Variants in FANCB observed in about 807,000 individuals in gnomAD.
The protein encoded by FANCB is Fanconi anemia group B protein.
Under a neutral mutation model 38.9 loss-of-function variants are expected in FANCB, and 5 were observed. That is an observed-to-expected ratio of 0.13 (90% CI 0.07 to 0.27). The LOEUF (loss-of-function observed/expected upper bound fraction) is 0.27. Among genes scored for constraint, FANCB ranks in the 10% least tolerant of loss-of-function variants. FANCB has a pLI of 1.00. For missense variants in FANCB, 573 were observed against 602.7 expected (o/e 0.95, Z 0.52); for synonymous variants, 236 against 215.4 (o/e 1.10, Z -0.84).
At chrX:14,775,327 A>G in the FANCB span, among the ~76,000 whole-genome samples, 2 of 110,268 alleles carry the variant, frequency 1.8e-5, no homozygotes, top group East Asian at 2.8e-4. Context: ...GCCTTCCTCT[A>G]TCTTTCAATA....
the FANCB span, among the ~76,000 whole-genome samples, chrX:14,696,490 G>A: frequency 1.3e-4 from 14 of 111,984 alleles, no homozygotes; most frequent in African/African-American, 2.0e-4. Context: ...TTGGAAGGCC[G>A]AGGATGGGGT....
the FANCB span, among the ~76,000 whole-genome samples, chrX:14,718,576 C>G: frequency 1.8e-5 from 2 of 111,971 alleles, no homozygotes; most frequent in Admixed American, 1.9e-4. Flanking sequence ...CATATTAGCT[C>G]AGACGATTCA....
chrX:14,868,026 T>C (rs896787397), intron 2 of FANCB, among the ~76,000 whole-genome samples: 3 of 111,434 alleles, frequency 2.7e-5, no homozygotes, highest in Non-Finnish European at 3.8e-5. Context: ...TAATTTCAGT[T>C]TGAATGGCTA....
the FANCB span, among the ~76,000 whole-genome samples, chrX:14,829,486 A>T: frequency 9.0e-6 from 1 of 111,473 alleles, no homozygotes; most frequent in East Asian, 2.8e-4. Flanking sequence ...CCTAGATAAC[A>T]TCTTCTTCCT....
downstream of FANCB, among the ~76,000 whole-genome samples, chrX:14,838,504 C>A (rs2092346611): frequency 9.0e-6 from 1 of 111,366 alleles, no homozygotes; most frequent in Admixed American, 9.5e-5. Context: ...TCACCCCTGA[C>A]CCCCATCACA....
chrX:14,787,876 AATATATATATATATATATATATATAT>A, the FANCB span, among the ~76,000 whole-genome samples: 257 of 41,691 alleles, frequency 6.2e-3, 1 homozygote, highest in African/African-American at 0.018. Flanking sequence ...TTAAAAATAG[AATATATATATATATATATATATATAT>A]ATATATATAT....
chrX:14,730,176 A>G, the FANCB span: 6 of 1,134,504 alleles, frequency 5.3e-6, no homozygotes, highest in Non-Finnish European at 7.2e-6. Context: ...CTGACAACCA[A>G]TCTGTGCTTC....
the FANCB span, among the ~76,000 whole-genome samples, chrX:14,759,080 A>AAAGTCTCAGCAACAGAATC: frequency 8.9e-6 from 1 of 112,123 alleles, no homozygotes; most frequent in Non-Finnish European, 1.9e-5. Context: ...AATACACTGA[A>AAAGTCTCAGCAACAGAATC]AAGTCTCAGC....
chrX:14,724,366 C>T, the FANCB span, among the ~76,000 whole-genome samples: 1 of 110,326 alleles, frequency 9.1e-6, no homozygotes, highest in Admixed American at 9.7e-5. Context: ...TGGCTCACAC[C>T]TGTAATCCCA....
chrX:14,845,360 C>T (rs1480878779), intron 7 of FANCB, 74 bp from the exon 8 acceptor site: 2 of 751,353 alleles, frequency 2.7e-6, no homozygotes, highest in Admixed American at 2.5e-5. Context: ...AAATGTCATA[C>T]AAACAACAGT....
At chrX:14,796,565 T>C in the FANCB span, among the ~76,000 whole-genome samples, 1 of 97,976 alleles carries the variant, frequency 1.0e-5, no homozygotes, top group Non-Finnish European at 2.0e-5. Flanking sequence ...TTATATGTTA[T>C]ATATTATATA....
At chrX:14,836,387 A>T (rs751661279) in intron 10 of FANCB, 41 of 112,215 alleles carry the variant, frequency 3.7e-4, no homozygotes, top group South Asian at 3.3e-3. Context: ...ATGCTTAAAA[A>T]TTGTTAGGAT....
chrX:14,769,850 GTC>G, the FANCB span, among the ~76,000 whole-genome samples: 18 of 111,925 alleles, frequency 1.6e-4, no homozygotes, highest in Non-Finnish European at 3.2e-4. Flanking sequence ...GTGATATGTT[GTC>G]TCTTTGTTCT....
the FANCB span, among the ~76,000 whole-genome samples, chrX:14,768,717 G>T: frequency 9.0e-6 from 1 of 111,538 alleles, no homozygotes; most frequent in Non-Finnish European, 1.9e-5. Flanking sequence ...AGTGGTGAGA[G>T]AGGGCATCCT....
At chrX:14,784,124 T>C in the FANCB span, among the ~76,000 whole-genome samples, 1,964 of 112,142 alleles carry the variant, frequency 0.018, 40 homozygotes, top group African/African-American at 0.053. Context: ...ACAGGAGAAT[T>C]GCTTGAACCT....
At chrX:14,707,200 A>AGAG in the FANCB span, among the ~76,000 whole-genome samples, 1 of 111,718 alleles carries the variant, frequency 9.0e-6, no homozygotes, top group South Asian at 3.8e-4. Context: ...AGAATATGAG[A>AGAG]GAGAAGCATG....
At chrX:14,819,517 GAT>G in the FANCB span, among the ~76,000 whole-genome samples, 21 of 111,872 alleles carry the variant, frequency 1.9e-4, no homozygotes, top group Non-Finnish European at 2.6e-4. Flanking sequence ...CTGAAGAAGA[GAT>G]AGGATACAGA....
chrX:14,771,935 G>A, the FANCB span, among the ~76,000 whole-genome samples: 1 of 111,679 alleles, frequency 9.0e-6, no homozygotes, highest in Non-Finnish European at 1.9e-5. Context: ...GGTATCACCA[G>A]TGAAGGCTTC....
chrX:14,758,470 T>C, the FANCB span, among the ~76,000 whole-genome samples: 1 of 111,571 alleles, frequency 9.0e-6, no homozygotes, highest in African/African-American at 3.3e-5. Flanking sequence ...AGAGTCCACA[T>C]CACTCCCCTG....
Sources: gnomAD v4.1 joint callset for allele counts (sites outside exome capture counted in the v4.1 genomes callset) on GRCh38, gnomAD v4.1.1 for gene constraint, MANE v1.5 for transcripts, NCBI Gene and HGNC (gene_info 2026-07-23, HGNC 2026-07-21) for gene names.